The following CES5A variants were observed in gnomAD, a reference collection of about 807,000 sequenced individuals.
The protein encoded by CES5A is carboxylesterase 5A.
In CES5A, 67 loss-of-function variants were observed where a neutral mutation model predicts 62.9. That is an observed-to-expected ratio of 1.07 (90% CI 0.88 to 1.31). CES5A has a LOEUF of 1.31. Ranked by LOEUF, CES5A falls within the 50% of genes most tolerant of loss-of-function variation. The pLI is 0.00. For synonymous variants in CES5A, 296 were observed against 280.8 expected (o/e 1.05, Z -0.54); for missense variants, 748 against 708.5 (o/e 1.06, Z -0.63).
intron 5 of CES5A, among the ~76,000 whole-genome samples, chr16:55,863,762 T>A (rs1351116658): frequency 1.5e-5 from 1 of 65,702 alleles, no homozygotes; most frequent in African/African-American, 9.6e-5. Flanking sequence ...TTTTTATTTC[T>A]TTTTTTTTTT....
At chr16:55,921,387 C>A (rs1343687520) in intron 1 of CES5A, among the ~76,000 whole-genome samples, 2 of 151,782 alleles carry the variant, frequency 1.3e-5, no homozygotes, top group African/African-American at 4.8e-5. Context: ...AAATATTACA[C>A]AAAGGAGCCT....
chr16:55,870,144 C>T (rs1461707229), intron 3 of CES5A, among the ~76,000 whole-genome samples: 2 of 152,180 alleles, frequency 1.3e-5, no homozygotes, highest in African/African-American at 2.4e-5. Flanking sequence ...CACTAAATAC[C>T]AGTGAGCCTG....
intron 2 of CES5A, among the ~76,000 whole-genome samples, chr16:55,942,692 T>C (rs1323133837): frequency 6.6e-6 from 1 of 152,208 alleles, no homozygotes. Context: ...TCAACAGAAA[T>C]GGGTTCATAT....
intron 1 of CES5A, among the ~76,000 whole-genome samples, chr16:55,908,344 GTTGT>G (rs3068646): frequency 0.018 from 2,685 of 150,930 alleles, 64 homozygotes; most frequent in African/African-American, 0.054. Context: ...CAGTTTTGTT[GTTGT>G]TTGTTTGTTT....
chr16:55,923,247 T>A (rs2142461390), intron 1 of CES5A, among the ~76,000 whole-genome samples: 1 of 151,512 alleles, frequency 6.6e-6, no homozygotes, highest in Middle Eastern at 3.4e-3. Context: ...GTTACTTTTT[T>A]AAGAAGATAA....
intron 1 of CES5A, among the ~76,000 whole-genome samples, chr16:55,952,899 C>T (rs2034573641): frequency 6.6e-6 from 1 of 152,150 alleles, no homozygotes; most frequent in East Asian, 1.9e-4. Context: ...AAAAACTACT[C>T]TAACTCGTTC....
At chr16:55,938,640 G>A (rs1445203274) in intron 2 of CES5A, among the ~76,000 whole-genome samples, 26 of 147,260 alleles carry the variant, frequency 1.8e-4, no homozygotes, top group African/African-American at 6.0e-4. Context: ...GGAAGGCTGA[G>A]GCAGGAGAAT....
At chr16:55,954,648 T>C (rs987355731) in intron 1 of CES5A, among the ~76,000 whole-genome samples, 8 of 152,072 alleles carry the variant, frequency 5.3e-5, no homozygotes, top group Non-Finnish European at 7.4e-5. Flanking sequence ...CTCAGCTTGG[T>C]GCGGGAGAGA....
chr16:55,870,684 C>G (rs113742550), intron 3 of CES5A, among the ~76,000 whole-genome samples: 1 of 151,958 alleles, frequency 6.6e-6, no homozygotes, highest in Non-Finnish European at 1.5e-5. Context: ...GGCAACAGAG[C>G]AAGACTCTGT....
At chr16:55,941,287 T>C (rs1294419676) in intron 2 of CES5A, among the ~76,000 whole-genome samples, 2 of 152,056 alleles carry the variant, frequency 1.3e-5, no homozygotes, top group African/African-American at 4.8e-5. Context: ...AATACCTGAG[T>C]TTAGCAAGAT....
intron 1 of CES5A, among the ~76,000 whole-genome samples, chr16:55,891,216 C>G (rs936321240): frequency 1.7e-4 from 26 of 152,210 alleles, no homozygotes; most frequent in Non-Finnish European, 3.4e-4. Context: ...AATGACACAG[C>G]TGCAGGAGCC....
chr16:55,946,876 T>C (rs1376643831), intron 2 of CES5A, among the ~76,000 whole-genome samples: 1 of 152,168 alleles, frequency 6.6e-6, no homozygotes, highest in African/African-American at 2.4e-5. Context: ...CCAAGACGTG[T>C]TTCTCTTATT....
At chr16:55,915,435 A>G (rs74019329) in intron 1 of CES5A, among the ~76,000 whole-genome samples, 2,793 of 152,122 alleles carry the variant, frequency 0.018, 83 homozygotes, top group African/African-American at 0.063. Flanking sequence ...GAGAGAGAAA[A>G]GAAAGGGGGA....
At chr16:55,896,023 G>A (rs1187371507) in intron 1 of CES5A, among the ~76,000 whole-genome samples, 2 of 152,160 alleles carry the variant, frequency 1.3e-5, no homozygotes, top group African/African-American at 4.8e-5. Flanking sequence ...CTGTTCTCAT[G>A]CTGCTAATAA....
At chr16:55,869,049 G>A (rs1239795730) in intron 4 of CES5A, among the ~76,000 whole-genome samples, 1 of 152,210 alleles carries the variant, frequency 6.6e-6, no homozygotes, top group East Asian at 1.9e-4. Flanking sequence ...GTGAGCATTC[G>A]AGAAGACCTG....
chr16:55,936,556 C>A (rs1462863048), intron 2 of CES5A, among the ~76,000 whole-genome samples: 4 of 152,166 alleles, frequency 2.6e-5, no homozygotes, highest in African/African-American at 9.7e-5. Flanking sequence ...AGTCTGAGGG[C>A]CAGTTCTTAG....
intron 2 of CES5A, among the ~76,000 whole-genome samples, chr16:55,946,405 C>G (rs1395106747): frequency 6.6e-6 from 1 of 152,148 alleles, no homozygotes; most frequent in East Asian, 1.9e-4. Context: ...AGCCCCAGCT[C>G]CATTCTATCA....
intron 1 of CES5A, among the ~76,000 whole-genome samples, chr16:55,900,012 G>A (rs182303757): frequency 6.6e-6 from 1 of 152,154 alleles, no homozygotes; most frequent in Admixed American, 6.5e-5. Flanking sequence ...TGCACAGATG[G>A]CAGCCACGTG....
intron 2 of CES5A, among the ~76,000 whole-genome samples, chr16:55,948,345 G>A (rs534506225): frequency 1.3e-5 from 2 of 152,276 alleles, no homozygotes; most frequent in East Asian, 1.9e-4. Flanking sequence ...GAAAAGGAGG[G>A]GGCAGAGGAA....
Sources: gnomAD v4.1 joint callset for allele counts (sites outside exome capture counted in the v4.1 genomes callset) on GRCh38, gnomAD v4.1.1 for gene constraint, MANE v1.5 for transcripts, NCBI Gene and HGNC (gene_info 2026-07-23, HGNC 2026-07-21) for gene names.